CADPS: variants seen among roughly 807,000 people sequenced by gnomAD.
CADPS encodes the protein calcium-dependent secretion activator 1.
CADPS carries 57 observed loss-of-function variants against 167.3 expected under a neutral mutation model. That is an observed-to-expected ratio of 0.34 (90% confidence interval 0.28 to 0.42). The LOEUF is 0.42. CADPS is among the 20% of genes least tolerant of loss of function. The pLI, the probability that CADPS is intolerant of heterozygous loss-of-function variation, is 1.00. For missense variants in CADPS, 1,414 were observed against 1,738.1 expected, an observed-to-expected ratio of 0.81 and a Z score of 3.32; for synonymous variants, 676 against 635.3, an observed-to-expected ratio of 1.06 and a Z score of -0.96.
intron 18 of CADPS, among the ~76,000 whole-genome samples, chr3:62,496,980 T>C (rs573298804): frequency 1.3e-5 from 2 of 152,348 alleles, no homozygotes; most frequent in African/African-American, 4.8e-5. Context: ...GCTGAAGTTT[T>C]CATTACTAAG....
At chr3:62,612,498 G>A (rs1024279007) in intron 6 of CADPS, among the ~76,000 whole-genome samples, 5 of 152,180 alleles carry the variant, frequency 3.3e-5, no homozygotes, top group Non-Finnish European at 7.3e-5. Flanking sequence ...TCCCTTGTGG[G>A]ACTTTCCAGG....
intron 1 of CADPS, among the ~76,000 whole-genome samples, chr3:62,789,915 A>G (rs1011563182): frequency 2.6e-5 from 4 of 152,106 alleles, no homozygotes; most frequent in African/African-American, 9.6e-5. Context: ...AGGGCCCACT[A>G]TGTGTTTGGT....
At chr3:62,647,014 C>T (rs1287367714) in intron 5 of CADPS, among the ~76,000 whole-genome samples, 1 of 152,120 alleles carries the variant, frequency 6.6e-6, no homozygotes, top group Non-Finnish European at 1.5e-5. Flanking sequence ...ACGTAATCAC[C>T]TACTATTCTG....
At chr3:62,860,176 C>G (rs561417839) in intron 1 of CADPS, among the ~76,000 whole-genome samples, 2 of 152,258 alleles carry the variant, frequency 1.3e-5, no homozygotes, top group South Asian at 4.1e-4. Flanking sequence ...TCCTTCCTAC[C>G]CAGGTTCAAA....
At chr3:62,737,015 G>A (rs6793202) in intron 3 of CADPS, among the ~76,000 whole-genome samples, 48,685 of 151,702 alleles carry the variant, frequency 0.32, 8,501 homozygotes, top group African/African-American at 0.46. Context: ...GGCACGTGCT[G>A]TAGTCCCAGC....
intron 1 of CADPS, among the ~76,000 whole-genome samples, chr3:62,819,883 T>C (rs956143935): frequency 1.3e-5 from 2 of 152,198 alleles, no homozygotes; most frequent in African/African-American, 4.8e-5. Flanking sequence ...CTCTGCCCTG[T>C]GCACTTTTTC....
chr3:62,648,801 T>C (rs921294231), intron 5 of CADPS, among the ~76,000 whole-genome samples: 4 of 151,870 alleles, frequency 2.6e-5, no homozygotes, highest in Non-Finnish European at 5.9e-5. Flanking sequence ...AGGGAATAAA[T>C]TGACACCTTT....
intron 1 of CADPS, among the ~76,000 whole-genome samples, chr3:62,863,681 G>A (rs193269800): frequency 3.3e-5 from 5 of 152,272 alleles, no homozygotes; most frequent in East Asian, 1.9e-4. Context: ...AGTAAGTTTC[G>A]ATTTTATCCT....
chr3:62,670,530 C>G (rs533973745), intron 3 of CADPS, among the ~76,000 whole-genome samples: 93 of 152,234 alleles, frequency 6.1e-4, no homozygotes, highest in African/African-American at 2.2e-3. Flanking sequence ...TTGCAAAATG[C>G]AGGGTTTAGC....
At chr3:62,592,587 G>A (rs1272373998) in intron 7 of CADPS, 50 bp downstream of exon 7, 1 of 1,408,556 alleles carries the variant, frequency 7.1e-7, no homozygotes, top group African/African-American at 1.4e-5. Flanking sequence ...TGGAGACCTA[G>A]CTGGGGAAAT....
chr3:62,750,435 C>T (rs1049017575), intron 3 of CADPS, among the ~76,000 whole-genome samples: 1 of 149,218 alleles, frequency 6.7e-6, no homozygotes. Flanking sequence ...AGGTAGTACT[C>T]GGAAATGGCA....
chr3:62,585,279 G>A lies in CADPS; in HGVS notation c.1483C>T (p.His495Tyr). The A allele has an allele frequency of 6.2e-7, 1 of 1,613,902 alleles. No individual in the cohort carries two copies. Among genetic ancestry groups the A allele is most frequent in the South Asian group, 1.1e-5 (1 of 91,058 alleles). ...CAGTTTTTGGAGACTGTCATTTTGTGCCACTCTGACTGTTTGGGGCTGTTC... is the reference window on the plus strand; with the variant it reads ...CAGTTTTTGGAGACTGTCATTTTGTACCACTCTGACTGTTTGGGGCTGTTC... ...TPNSPKQSEW[H>Y]KMTVSKNCPD... Residue 495 changes from histidine (H) to tyrosine (Y), a missense_variant, in exon 8 of 30, where the codon CAC (histidine) becomes TAC (tyrosine). His to Tyr is a moderately conservative substitution (Grantham distance 83, BLOSUM62 2). This residue lies in a region of CADPS where 157 missense variants were observed against 229.4 expected (regional missense o/e 0.68). Coordinates refer to ENST00000383710, the MANE Select transcript of CADPS (RefSeq NM_003716.4).
In CADPS at chr3:62,417,276, C is replaced by CTTTTTTTTTTTTTTTTTTTTTTTT. The variant is rs11353455; in HGVS notation, c.3778-14115_3778-14092dup. On this transcript the variant is annotated intron_variant, in intron 28 of 29. Coordinates refer to ENST00000383710, the MANE Select transcript of CADPS (RefSeq NM_003716.4). ...ACACAATAACTATTTTTCTTTTACT[C>CTTTTTTTTTTTTTTTTTTTTTTTT]TTTTTTTTTTTTTTTTTTTTTTTTT... is the stretch of plus-strand genomic sequence containing the variant. Among the ~76,000 whole-genome samples the CTTTTTTTTTTTTTTTTTTTTTTTT allele has an allele frequency of 3.7e-4, 24 of 64,080 alleles. 11 individuals are homozygous for CTTTTTTTTTTTTTTTTTTTTTTTT. The highest frequency in any genetic ancestry group is 4.1e-4 in the Admixed American group (2 of 4,896). 42.0% of individuals were successfully genotyped at this position (64,080 alleles called of 152,430 possible).
chr3:62,794,582 A>G (rs572433263), intron 1 of CADPS, among the ~76,000 whole-genome samples: 2 of 152,126 alleles, frequency 1.3e-5, no homozygotes, highest in Non-Finnish European at 2.9e-5. Context: ...GTATTTAGTA[A>G]ATAATCATAA....
intron 3 of CADPS, among the ~76,000 whole-genome samples, chr3:62,745,543 G>A (rs2081273260): frequency 6.6e-6 from 1 of 152,168 alleles, no homozygotes; most frequent in Non-Finnish European, 1.5e-5. Flanking sequence ...GATCAACCTT[G>A]TCTTGGAACA....
intron 1 of CADPS, among the ~76,000 whole-genome samples, chr3:62,837,317 C>T (rs1203184516): frequency 6.6e-6 from 1 of 152,176 alleles, no homozygotes; most frequent in East Asian, 1.9e-4. Context: ...AGTTAGGGCT[C>T]TTTCATCTTA....
intron 26 of CADPS, among the ~76,000 whole-genome samples, chr3:62,456,083 G>A (rs1408433511): frequency 6.6e-6 from 1 of 152,014 alleles, no homozygotes; most frequent in African/African-American, 2.4e-5. Flanking sequence ...AAGGCTCAAG[G>A]GATGAGTTAA....
At chr3:62,484,239 A>G (rs2062465804) in intron 21 of CADPS, among the ~76,000 whole-genome samples, 1 of 152,144 alleles carries the variant, frequency 6.6e-6, no homozygotes, top group Non-Finnish European at 1.5e-5. Flanking sequence ...TAGAAAAATA[A>G]TGTAGTGTAT....
At position 62,761,254 on chromosome 3, in the gene CADPS, A is replaced by C. The variant is rs1050313696; in HGVS notation, c.555+4617T>G. The stretch of plus-strand genomic sequence containing the variant: ...TGTTGTTATGATGATGATGATGATT[A>C]GGGCTTAATTTAATCACAGTCGGTT... On this transcript the variant is annotated intron_variant, in intron 2 of 29. Coordinates refer to ENST00000383710, the MANE Select transcript of CADPS (RefSeq NM_003716.4). Among the ~76,000 whole-genome samples, 9 of 152,284 alleles carry C rather than the reference A, an allele frequency of 5.9e-5. No individual in the cohort carries two copies. In the East Asian group the frequency reaches 1.7e-3, roughly 29 times the overall value.
Sources: gnomAD v4.1 joint callset for allele counts (sites outside exome capture counted in the v4.1 genomes callset) on GRCh38, gnomAD v4.1.1 for gene constraint, gnomAD v4.1.1 regional missense constraint, MANE v1.5 for transcripts, NCBI Gene and HGNC (gene_info 2026-07-23, HGNC 2026-07-21) for gene names.